Variants in QTMAN observed in about 807,000 individuals in gnomAD.
The protein encoded by QTMAN is queuosine-tRNA mannosyltransferase, also known as tRNA-queuosine alpha-mannosyltransferase.
At chr2:144,300,196 A>T in the QTMAN span, among the ~76,000 whole-genome samples, 1 of 152,230 alleles carries the variant, frequency 6.6e-6, no homozygotes, top group South Asian at 2.1e-4. Context: ...AGATGGCTGC[A>T]CAACAATGGG....
At chr2:144,067,794 CT>C in the QTMAN span, among the ~76,000 whole-genome samples, 1 of 152,212 alleles carries the variant, frequency 6.6e-6, no homozygotes, top group South Asian at 2.1e-4. Context: ...AATTTTCTGT[CT>C]GGTATAACAG....
At chr2:144,279,373 GAAAA>G in the QTMAN span, among the ~76,000 whole-genome samples, 1 of 70,848 alleles carries the variant, frequency 1.4e-5, no homozygotes, top group Non-Finnish European at 2.8e-5. Context: ...CTCACCGCAA[GAAAA>G]AAAAAAAAAA....
chr2:144,239,334 C>T, the QTMAN span, among the ~76,000 whole-genome samples: 1 of 152,100 alleles, frequency 6.6e-6, no homozygotes, highest in Non-Finnish European at 1.5e-5. Context: ...AACTAACTTC[C>T]CAAAGCTAAA....
At chr2:144,054,119 C>T in the QTMAN span, among the ~76,000 whole-genome samples, 6 of 151,984 alleles carry the variant, frequency 3.9e-5, no homozygotes, top group African/African-American at 7.2e-5. Context: ...ACCTGGGAGG[C>T]GGAGCTGGCA....
At chr2:144,302,736 T>C in the QTMAN span, among the ~76,000 whole-genome samples, 1 of 152,114 alleles carries the variant, frequency 6.6e-6, no homozygotes, top group African/African-American at 2.4e-5. Context: ...GTAAGGAGTA[T>C]TTGACAAATA....
the QTMAN span, among the ~76,000 whole-genome samples, chr2:144,083,834 A>C: frequency 6.6e-6 from 1 of 152,212 alleles, no homozygotes; most frequent in Admixed American, 6.5e-5. Flanking sequence ...AGGCAAAATG[A>C]GTGAAAAGAC....
the QTMAN span, among the ~76,000 whole-genome samples, chr2:144,002,582 A>G: frequency 1.7e-4 from 26 of 152,134 alleles, no homozygotes; most frequent in Middle Eastern, 3.4e-3. Context: ...TATGAGATCA[A>G]TGGTGATATT....
the QTMAN span, among the ~76,000 whole-genome samples, chr2:144,221,190 GTATTAGAA>G: frequency 6.6e-6 from 1 of 152,158 alleles, no homozygotes; most frequent in African/African-American, 2.4e-5. Flanking sequence ...TTGCTTTAAA[GTATTAGAA>G]TATTCTATCA....
the QTMAN span, among the ~76,000 whole-genome samples, chr2:144,186,814 G>A: frequency 1.3e-5 from 2 of 152,000 alleles, no homozygotes; most frequent in Non-Finnish European, 2.9e-5. Flanking sequence ...TCATGTTATA[G>A]AATTCAATAC....
At chr2:144,202,340 C>A in the QTMAN span, among the ~76,000 whole-genome samples, 1 of 152,142 alleles carries the variant, frequency 6.6e-6, no homozygotes, top group Non-Finnish European at 1.5e-5. Context: ...TTAATAAAAG[C>A]AGAAAATCTT....
chr2:143,954,700 AT>A, the QTMAN span, among the ~76,000 whole-genome samples: 1 of 152,130 alleles, frequency 6.6e-6, no homozygotes, highest in African/African-American at 2.4e-5. Context: ...TTTAAAATAT[AT>A]TAAATAGGCC....
chr2:144,227,702 T>C, the QTMAN span, among the ~76,000 whole-genome samples: 3 of 152,152 alleles, frequency 2.0e-5, no homozygotes, highest in African/African-American at 7.2e-5. Flanking sequence ...CAAGTTACTA[T>C]ATAAACCAAG....
the QTMAN span, among the ~76,000 whole-genome samples, chr2:143,986,376 T>C: frequency 5.9e-5 from 9 of 152,352 alleles, no homozygotes; most frequent in South Asian, 1.4e-3. Flanking sequence ...GTACAAGATA[T>C]TGGAATACGT....
At chr2:144,032,274 G>C in the QTMAN span, among the ~76,000 whole-genome samples, 3 of 152,134 alleles carry the variant, frequency 2.0e-5, no homozygotes, top group Non-Finnish European at 4.4e-5. Flanking sequence ...AAAATGGGGA[G>C]AATTATATCT....
chr2:144,087,470 C>T, the QTMAN span, among the ~76,000 whole-genome samples: 1 of 151,908 alleles, frequency 6.6e-6, no homozygotes, highest in Admixed American at 6.6e-5. Context: ...GGCCAGCATC[C>T]CCATGATACC....
the QTMAN span, among the ~76,000 whole-genome samples, chr2:144,144,015 A>AT: frequency 2.0e-5 from 3 of 151,836 alleles, no homozygotes; most frequent in Non-Finnish European, 4.4e-5. Flanking sequence ...ACTGTGAACC[A>AT]TTTTTTCCCC....
the QTMAN span, among the ~76,000 whole-genome samples, chr2:144,265,541 C>A: frequency 1.3e-5 from 2 of 151,688 alleles, no homozygotes; most frequent in Non-Finnish European, 2.9e-5. Flanking sequence ...AATAAAAATA[C>A]AAAAAATTAG....
At chr2:144,090,999 A>C in the QTMAN span, among the ~76,000 whole-genome samples, 2 of 152,026 alleles carry the variant, frequency 1.3e-5, no homozygotes, top group African/African-American at 2.4e-5. Context: ...AAAAAAGACA[A>C]ATAGATCAAC....
At chr2:143,945,941 C>T in the QTMAN span, 2 of 152,214 alleles carry the variant, frequency 1.3e-5, no homozygotes, top group African/African-American at 4.8e-5. Flanking sequence ...TTTGTTGTCT[C>T]TGTCACAAGG....
Sources: allele counts gnomAD v4.1 joint callset (sites outside exome capture counted in the v4.1 genomes callset), GRCh38; gene constraint gnomAD v4.1.1; transcripts MANE v1.5; gene names NCBI Gene and HGNC (gene_info 2026-07-23, HGNC 2026-07-21).